The following ARHGEF11 variants were observed in gnomAD, a reference collection of about 807,000 sequenced individuals.
The protein encoded by ARHGEF11 is Rho guanine exchange factor (GEF) 11.
Under a neutral mutation model 193.7 loss-of-function variants are expected in ARHGEF11, and 55 were observed. The ratio of observed to expected loss-of-function variants is 0.28; its 90% confidence interval spans 0.23 to 0.36. The LOEUF (loss-of-function observed/expected upper bound fraction) is 0.36, where lower values mean the gene tolerates loss of function less well. ARHGEF11 is among the 10% of genes least tolerant of loss of function. ARHGEF11 has a pLI of 1.00. For missense variants in ARHGEF11, 1,723 were observed against 2,005.6 expected, an observed-to-expected ratio of 0.86 and a Z score of 2.69; for synonymous variants, 693 against 768.0, an observed-to-expected ratio of 0.90 and a Z score of 1.62.
chr1:157,021,752 T>C (rs918019827), intron 1 of ARHGEF11, among the ~76,000 whole-genome samples: 3 of 152,172 alleles, frequency 2.0e-5, no homozygotes, highest in Admixed American at 6.5e-5. Context: ...CCTAATCACA[T>C]AGGGTTGTTT....
rs1659106603 is a variant in ARHGEF11 at position 156,951,575 on chromosome 1, G to A, written c.1923C>T (p.Asp641=). Reference sequence around the variant, plus strand: ...GAGTCCCATCCAGCCAGTGCTACCTGTCACTCTCCAGCAGGTCCTCAGGAA... The same window carrying A: ...GAGTCCCATCCAGCCAGTGCTACCTATCACTCTCCAGCAGGTCCTCAGGAA... ...GSFPEDLLES[D]SSRSEIRLGR... is the part of the protein sequence containing the mutation. The change falls in exon 22 of 41, where the codon GAC becomes GAT. Residue 641 remains aspartate (D), a splice_region_variant and synonymous_variant. Transcript: ENST00000368194. 2 of 1,613,800 alleles carry A rather than the reference G, an allele frequency of 1.2e-6. No individual in the cohort carries two copies. The highest frequency in any genetic ancestry group is 1.7e-5 in the Admixed American group (1 of 59,998).
intron 16 of ARHGEF11, 54 bp from the exon 17 acceptor site, chr1:156,958,918 T>C: frequency 6.2e-7 from 1 of 1,612,646 alleles, no homozygotes; most frequent in Non-Finnish European, 8.5e-7. Context: ...ACTCAACAGA[T>C]GGACATCCAG....
chr1:156,960,261 C>CA (rs1557862653), intron 15 of ARHGEF11, among the ~76,000 whole-genome samples, 157 bp downstream of exon 15: 1 of 151,958 alleles, frequency 6.6e-6, no homozygotes, highest in African/African-American at 2.4e-5. Context: ...AGCTACTGTG[C>CA]AGTGTTCTGG....
intron 7 of ARHGEF11, among the ~76,000 whole-genome samples, chr1:156,972,966 C>G (rs1227963885): frequency 1.3e-5 from 2 of 152,198 alleles, no homozygotes; most frequent in African/African-American, 2.4e-5. Flanking sequence ...CAAACCACCC[C>G]AACAAAAGTC....
At chr1:156,949,960 T>C (rs1053665074) in intron 22 of ARHGEF11, among the ~76,000 whole-genome samples, 22 of 152,320 alleles carry the variant, frequency 1.4e-4, no homozygotes, top group African/African-American at 5.3e-4. Context: ...ACCCAAAGGC[T>C]TCTGCTTAGA....
At chr1:156,963,162 T>C (rs1322163919) in intron 13 of ARHGEF11, 41 bp downstream of exon 13, 4 of 1,511,056 alleles carry the variant, frequency 2.6e-6, no homozygotes, top group African/African-American at 2.7e-5. Context: ...CTCTGCCCAG[T>C]ACCAGCAGGC....
rs1673215279 is a variant in ARHGEF11 at position 157,045,417 on chromosome 1, A to T, written c.-1087T>A. On this transcript the variant is annotated 5_prime_UTR_variant, in exon 1 of 41. Transcript: ENST00000368194. ...CTCCCTCTCTCTCGCCCGGCCAGAA[A>T]GACGGCTCCCTTATTATTCGTTCGG... The T allele has an allele frequency of 6.6e-6, 1 of 152,142 alleles. No individual in the cohort carries two copies. Among genetic ancestry groups the T allele is most frequent in the South Asian group, 2.1e-4 (1 of 4,822 alleles). 9.4% of individuals were successfully genotyped at this position (152,142 alleles called of 1,614,324 possible). A position where few individuals can be genotyped will look rare whatever the true frequency, so the allele number is the denominator to read the frequency against.
At chr1:156,980,073 A>C (rs1472770217) in intron 4 of ARHGEF11, among the ~76,000 whole-genome samples, 1 of 152,238 alleles carries the variant, frequency 6.6e-6, no homozygotes, top group East Asian at 1.9e-4. Flanking sequence ...CAAAGACCCC[A>C]GGTTGGCATT....
chr1:156,986,106 G>C lies in ARHGEF11; in HGVS notation c.100C>G (p.Pro34Ala). Residue 34 changes from proline (P) to alanine (A), a missense_variant, in exon 2 of 41, where the codon CCT (proline) becomes GCT (alanine). By Grantham distance (27) the Pro-to-Ala change is conservative. This residue lies in a region of ARHGEF11 where 646 missense variants were observed against 710.7 expected (regional missense o/e 0.91). Transcript: ENST00000368194. ...ERKSPSHHRQPSDASETTGLV... is the reference protein window; with the variant it reads ...ERKSPSHHRQASDASETTGLV... ...CCTGTTGTCTCAGAGGCATCCGAAG[G>C]CTGGCGATGGTGGGAAGGGGACTTG... The C allele has an allele frequency of 6.2e-7, 1 of 1,613,958 alleles. No homozygotes were observed. The highest frequency in any genetic ancestry group is 8.5e-7 in the Non-Finnish European group (1 of 1,179,896).
intron 1 of ARHGEF11, among the ~76,000 whole-genome samples, chr1:157,016,688 C>G (rs1669276492): frequency 6.6e-6 from 1 of 152,168 alleles, no homozygotes; most frequent in South Asian, 2.1e-4. Flanking sequence ...GCTTCATAAT[C>G]TGATGAAGGG....
intron 7 of ARHGEF11, among the ~76,000 whole-genome samples, chr1:156,974,469 T>C (rs1662978270): frequency 6.6e-6 from 1 of 152,244 alleles, no homozygotes; most frequent in Non-Finnish European, 1.5e-5. Flanking sequence ...TGCTTTGTTT[T>C]GGACTTTAAG....
Position 156,946,134 on chromosome 1 carries a change from C to T in ARHGEF11, c.2723G>A (p.Arg908Gln). The change falls in exon 29 of 41, where the codon CGG becomes CAG. Residue 908 changes from arginine (R) to glutamine (Q), a missense_variant. Arg to Gln is a conservative substitution (Grantham distance 43). This residue lies in a region of ARHGEF11 where 491 missense variants were observed against 654.5 expected (regional missense o/e 0.75). Transcript: ENST00000368194. The stretch of plus-strand genomic sequence containing the variant: ...GATGATGAGGTCTCTCAGCTGCAGC[C>T]GCCGACACTGAGGGTGGCTCTCAGC... Reference protein sequence around the residue: ...QEAESHPQCRRLQLRDLIISE... With the variant: ...QEAESHPQCRQLQLRDLIISE... The T allele has an allele frequency of 1.2e-6, 2 of 1,613,542 alleles. No homozygotes were observed. Among genetic ancestry groups the T allele is most frequent in the Non-Finnish European group, 1.7e-6 (2 of 1,179,954 alleles).
chr1:156,945,330 C>T (rs953398634), intron 29 of ARHGEF11, 133 bp from the exon 30 acceptor site: 15 of 979,400 alleles, frequency 1.5e-5, no homozygotes, highest in Admixed American at 2.6e-5. Context: ...AGGGGAGCCA[C>T]CCTTGCCTCA....
chr1:156,939,848 C>T lies in ARHGEF11; in HGVS notation c.3796G>A (p.Ala1266Thr). The T allele has an allele frequency of 6.2e-7, 1 of 1,612,108 alleles. No homozygotes were observed. Among genetic ancestry groups the T allele is most frequent in the South Asian group, 1.1e-5 (1 of 91,080 alleles). The change falls in exon 37 of 41, where the codon GCT (alanine) becomes ACT (threonine). Residue 1266 changes from alanine (A) to threonine (T), a missense_variant. By Grantham distance (58) the Ala-to-Thr change is moderately conservative (BLOSUM62 0). Coordinates refer to ENST00000368194, the MANE Select transcript of ARHGEF11 (RefSeq NM_198236.3). ...LLPGHTMETQ[A>T]AQEPEDDLTP... The stretch of plus-strand genomic sequence containing the variant: ...AGGTCGTCCTCGGGCTCCTGGGCAG[C>T]CTGAGTTTCCATGGTGTGACCTGGC...
At chr1:156,965,943 C>G (rs1381689073) in intron 11 of ARHGEF11, among the ~76,000 whole-genome samples, 1 of 152,190 alleles carries the variant, frequency 6.6e-6, no homozygotes, top group Non-Finnish European at 1.5e-5. Flanking sequence ...CCCATTCAGT[C>G]ATTCATTCAC....
chr1:156,966,886 C>T lies in ARHGEF11; in HGVS notation c.963+1101G>A, dbSNP rs79025793. Among the ~76,000 whole-genome samples, 560 of 152,200 alleles carry T rather than the reference C, an allele frequency of 3.7e-3. 2 individuals are homozygous for T. The highest frequency in any genetic ancestry group is 6.5e-3 in the Non-Finnish European group (439 of 68,016). On this transcript the variant is annotated intron_variant, in intron 11 of 40. Transcript: ENST00000368194. ...TCTACTTTTTGAGCAAGTTACATCA[C>T]GTAGTTTAAAATTAAAAGGACACAA...
Position 156,956,441 on chromosome 1 carries a change from C to G in ARHGEF11, c.1650G>C (p.Pro550=), listed in dbSNP as rs761026325. ...TCACCTTCTTGGTCTTAGGGAAGAA[C>G]GGTAGCCACTTGTCCTTGTCAGGAG... is the stretch of plus-strand genomic sequence containing the variant. ...QSAPDKDKWL[P]FFPKTKKSSN... The change falls in exon 19 of 41, where the codon CCG becomes CCC. Residue 550 remains proline, a synonymous_variant. Coordinates refer to ENST00000368194, the MANE Select transcript of ARHGEF11 (RefSeq NM_198236.3). 1 of 1,614,084 alleles carries G rather than the reference C, an allele frequency of 6.2e-7. No individual in the cohort carries two copies. The highest frequency in any genetic ancestry group is 8.5e-7 in the Non-Finnish European group (1 of 1,180,004).
chr1:156,959,113 G>A lies in ARHGEF11; in HGVS notation c.1312C>T (p.Arg438Cys), dbSNP rs370196454. Residue 438 changes from arginine to cysteine, a missense_variant, in exon 16 of 41, where the codon CGT becomes TGT. Arg to Cys is a radical substitution (Grantham distance 180, BLOSUM62 -3). Around this residue, in one of 5 missense-constraint regions of ARHGEF11, gnomAD observed 646 missense variants for 710.7 expected, o/e 0.91. Coordinates refer to ENST00000368194, the MANE Select transcript of ARHGEF11 (RefSeq NM_198236.3). The stretch of plus-strand genomic sequence containing the variant: ...TCTTGAGCTTCACAGAGAACACCAC[G>A]GGCATCTTCGCTGTTCCGCAGGCGC... Reference protein sequence around the residue: ...DSRLRNSEDARGVLCEAQEAA... With the variant: ...DSRLRNSEDACGVLCEAQEAA... 1.7e-5 allele frequency: 28 copies of A among 1,614,092 alleles called. No homozygotes were observed. Among genetic ancestry groups the A allele is most frequent in the South Asian group, 5.5e-5 (5 of 91,086 alleles).
At chr1:156,974,485 T>TA (rs1172384750) in intron 7 of ARHGEF11, among the ~76,000 whole-genome samples, 5 of 152,218 alleles carry the variant, frequency 3.3e-5, no homozygotes, top group African/African-American at 1.2e-4. Context: ...TTAAGAGCAT[T>TA]AAAATTTTTT....
Sources: gnomAD v4.1 joint callset for allele counts (sites outside exome capture counted in the v4.1 genomes callset) on GRCh38, gnomAD v4.1.1 for gene constraint, gnomAD v4.1.1 regional missense constraint, MANE v1.5 for transcripts, NCBI Gene and HGNC (gene_info 2026-07-23, HGNC 2026-07-21) for gene names.